The following PNLIPRP3 variants were observed in gnomAD, a reference collection of about 807,000 sequenced individuals.
PNLIPRP3 encodes the protein pancreatic lipase-related protein 3.
A neutral mutation model predicts 52.8 loss-of-function variants in PNLIPRP3; 58 were observed. That is an observed-to-expected ratio of 1.10 (90% confidence interval 0.89 to 1.37). PNLIPRP3 has a LOEUF of 1.37. Among genes scored for constraint, PNLIPRP3 ranks in the 40% most tolerant of loss-of-function variants. PNLIPRP3 has a pLI of 0.00. For missense variants in PNLIPRP3, 593 were observed against 561.6 expected (o/e 1.06, Z -0.57); for synonymous variants, 192 against 185.0 (o/e 1.04, Z -0.31).
Position 116,449,035 on chromosome 10 carries a change from AAT to A in PNLIPRP3, c.456+4523_456+4524del, listed in dbSNP as rs1340671635. ...CATCTCAAAAAAAAAAAAAAAAAAA[AAT>A]TTCTAATTAGCTGGGCGTGGTAACA... On this transcript the variant is annotated intron_variant, in intron 4 of 11. Coordinates refer to ENST00000369230, the MANE Select transcript of PNLIPRP3 (RefSeq NM_001011709.3). 7.8e-3 allele frequency among the ~76,000 whole-genome samples: 681 copies of A among 87,284 alleles called. 4 individuals are homozygous for A. Among genetic ancestry groups the A allele is most frequent in the African/African-American group, 0.02 (556 of 27,292 alleles). The allele number at this position is 87,284 out of a possible 152,430, so 57.3% of individuals were successfully genotyped here. A position where few individuals can be genotyped will look rare whatever the true frequency, so the allele number is the denominator to read the frequency against.
intron 2 of PNLIPRP3, among the ~76,000 whole-genome samples, chr10:116,437,279 A>T (rs901358578): frequency 6.6e-6 from 1 of 152,164 alleles, no homozygotes; most frequent in African/African-American, 2.4e-5. Context: ...ATGATCTGTG[A>T]TGTAAGATGC....
At chr10:116,440,452 T>A (rs189647223) in intron 2 of PNLIPRP3, among the ~76,000 whole-genome samples, 2 of 152,184 alleles carry the variant, frequency 1.3e-5, no homozygotes, top group African/African-American at 2.4e-5. Flanking sequence ...AATTTTGTAA[T>A]GGATGGAAGC....
Position 116,460,949 on chromosome 10 carries a change from G to T in PNLIPRP3, c.566-17G>T, listed in dbSNP as rs749996578. On this transcript the variant is annotated splice_polypyrimidine_tract_variant and intron_variant, in intron 5 of 11. Coordinates refer to ENST00000369230, the MANE Select transcript of PNLIPRP3 (RefSeq NM_001011709.3). Reference sequence around the variant, plus strand: ...TGTGCACTTCCATAGAACATGTCTTGGTTGTGCTTTCTCTAGGGTTGGACC... The same window carrying T: ...TGTGCACTTCCATAGAACATGTCTTTGTTGTGCTTTCTCTAGGGTTGGACC... The T allele has an allele frequency of 6.2e-7, 1 of 1,610,550 alleles. No homozygotes were observed. Among genetic ancestry groups the T allele is most frequent in the Non-Finnish European group, 8.5e-7 (1 of 1,179,394 alleles).
chr10:116,435,213 G>A (rs1413141661), intron 1 of PNLIPRP3, among the ~76,000 whole-genome samples: 2 of 152,108 alleles, frequency 1.3e-5, no homozygotes, highest in East Asian at 3.9e-4. Context: ...AAACATAGAA[G>A]GATTAATTTT....
At chr10:116,434,535 T>A (rs189617593) in intron 1 of PNLIPRP3, among the ~76,000 whole-genome samples, 92 of 152,322 alleles carry the variant, frequency 6.0e-4, no homozygotes, top group African/African-American at 2.1e-3. Flanking sequence ...CTCACTGTGC[T>A]TTATCACATC....
In PNLIPRP3 at chr10:116,476,808, A is replaced by G; in HGVS notation, c.1329A>G (p.Lys443=). 1.3e-6 allele frequency: 2 copies of G among 1,597,350 alleles called. No individual in the cohort carries two copies. Among genetic ancestry groups the G allele is most frequent in the Non-Finnish European group, 1.7e-6 (2 of 1,173,844 alleles). Residue 443 remains lysine (K), a synonymous_variant, in exon 11 of 12, where the codon AAA becomes AAG. Transcript: ENST00000369230. ...AAATGGTGATAAATACATCTGGGAAATATGGATATAAGTAAGTATTGCTTT... is the reference window on the plus strand; with the variant it reads ...AAATGGTGATAAATACATCTGGGAAGTATGGATATAAGTAAGTATTGCTTT... ...GAEMVINTSG[K]YGYKSTFCSQ...
intron 4 of PNLIPRP3, among the ~76,000 whole-genome samples, chr10:116,453,462 A>AG (rs1846068764): frequency 6.6e-6 from 1 of 152,068 alleles, no homozygotes; most frequent in Non-Finnish European, 1.5e-5. Flanking sequence ...CATGAGGTGT[A>AG]GGGGGGCCAG....
At chr10:116,450,870 G>A (rs2133130234) in intron 4 of PNLIPRP3, among the ~76,000 whole-genome samples, 1 of 152,110 alleles carries the variant, frequency 6.6e-6, no homozygotes, top group African/African-American at 2.4e-5. Context: ...ACTACCCAAA[G>A]CTATCTACAG....
Position 116,461,023 on chromosome 10 carries a change from C to A in PNLIPRP3, c.623C>A (p.Pro208His). 1 of 1,613,768 alleles carries A rather than the reference C, an allele frequency of 6.2e-7. No individual in the cohort carries two copies. The highest frequency in any genetic ancestry group is 8.5e-7 in the Non-Finnish European group (1 of 1,180,024). The change falls in exon 6 of 12, where the codon CCC becomes CAC. Residue 208 changes from proline (P) to histidine (H), a missense_variant. Physicochemically the swap from Pro to His is moderately conservative, Grantham distance 77 (BLOSUM62 -2). Coordinates refer to ENST00000369230, the MANE Select transcript of PNLIPRP3 (RefSeq NM_001011709.3). ...ACTCCAAAGGAAGTCAGGCTAGACC[C>A]CTCGGATGCCAACTTTGTTGACGTT... ...HNTPKEVRLD[P>H]SDANFVDVIH...
At chr10:116,440,283 C>T (rs756292285) in intron 2 of PNLIPRP3, among the ~76,000 whole-genome samples, 4 of 152,064 alleles carry the variant, frequency 2.6e-5, no homozygotes, top group Non-Finnish European at 4.4e-5. Context: ...GTCAGTAAAA[C>T]AGAAGGTGAT....
At chr10:116,433,962 T>TA (rs1475117644) in intron 1 of PNLIPRP3, among the ~76,000 whole-genome samples, 1 of 152,172 alleles carries the variant, frequency 6.6e-6, no homozygotes, top group Non-Finnish European at 1.5e-5. Flanking sequence ...CACTTAGTGA[T>TA]AGAGTGACCG....
Position 116,443,156 on chromosome 10 carries a change from G to T in PNLIPRP3, c.306G>T (p.Trp102Cys). ...NIAGWKTDGK[W>C]QRDMCNVLLQ... ...CTGGATGGAAAACAGATGGCAAATG[G>T]CAGAGAGACATGTGCAATGTATGAC... The change falls in exon 3 of 12, where the codon TGG becomes TGT. Residue 102 changes from tryptophan (W) to cysteine (C), a missense_variant. Trp to Cys is a radical substitution (Grantham distance 215). Transcript: ENST00000369230. The T allele has an allele frequency of 6.2e-7, 1 of 1,610,514 alleles. No homozygotes were observed. The highest frequency in any genetic ancestry group is 2.2e-5 in the East Asian group (1 of 44,712).
At position 116,469,239 on chromosome 10, in the gene PNLIPRP3, G is replaced by C. The variant is rs200331020; in HGVS notation, c.982G>C (p.Asp328His). The change falls in exon 9 of 12, where the codon GAT (aspartate) becomes CAT (histidine). Residue 328 changes from aspartate (D) to histidine (H), a missense_variant. Asp to His is a moderately conservative substitution (Grantham distance 81). Transcript: ENST00000369230. ...EGCPTMGHFA[D>H]RFHFKNMKTN... ...TTGCCCAACAATGGGTCATTTTGCT[G>C]ATAGATTTCACTTCAAAAATATGAA... 1.2e-6 allele frequency: 2 copies of C among 1,612,150 alleles called. No homozygotes were observed. The highest frequency in any genetic ancestry group is 1.1e-5 in the South Asian group (1 of 90,480).
At chr10:116,471,671 C>G (rs976760837) in intron 9 of PNLIPRP3, 97 bp from the exon 10 acceptor site, 83 of 962,638 alleles carry the variant, frequency 8.6e-5, no homozygotes, top group Middle Eastern at 7.4e-4. Flanking sequence ...AAATACAACC[C>G]TGAAAATTTT....
intron 1 of PNLIPRP3, among the ~76,000 whole-genome samples, chr10:116,433,235 A>G (rs937243006): frequency 7.2e-5 from 11 of 152,016 alleles, no homozygotes; most frequent in Admixed American, 4.6e-4. Flanking sequence ...ATAAATGCAA[A>G]ATTTCTAAAT....
At chr10:116,435,864 A>G (rs1397793725) in intron 1 of PNLIPRP3, among the ~76,000 whole-genome samples, 3 of 152,222 alleles carry the variant, frequency 2.0e-5, no homozygotes, top group African/African-American at 7.2e-5. Flanking sequence ...TGGAACCACA[A>G]AAGACTCCAA....
chr10:116,467,163 G>C (rs1287887927), intron 8 of PNLIPRP3, among the ~76,000 whole-genome samples: 1 of 152,110 alleles, frequency 6.6e-6, no homozygotes, highest in African/African-American at 2.4e-5. Context: ...TGCTACTTGT[G>C]GTTACAAACT....
chr10:116,447,807 C>T (rs1029991227), intron 4 of PNLIPRP3, among the ~76,000 whole-genome samples: 8 of 151,816 alleles, frequency 5.3e-5, no homozygotes, highest in South Asian at 2.1e-4. Flanking sequence ...CATGGTGGCG[C>T]GCACCTGTAA....
At chr10:116,449,036 AT>A (rs1319328742) in intron 4 of PNLIPRP3, among the ~76,000 whole-genome samples, 13 of 99,414 alleles carry the variant, frequency 1.3e-4, no homozygotes, top group African/African-American at 4.3e-4. Context: ...AAAAAAAAAA[AT>A]TTCTAATTAG....
Sources: gnomAD v4.1 joint callset for allele counts (sites outside exome capture counted in the v4.1 genomes callset) on GRCh38, gnomAD v4.1.1 for gene constraint, MANE v1.5 for transcripts, NCBI Gene and HGNC (gene_info 2026-07-23, HGNC 2026-07-21) for gene names.